The following KDM1B variants were observed in gnomAD, a reference collection of about 807,000 sequenced individuals.
KDM1B encodes the protein lysine-specific histone demethylase 2.
KDM1B carries 63 observed loss-of-function variants against 107.4 expected under a neutral mutation model. That is an observed-to-expected ratio of 0.59 (90% CI 0.48 to 0.72). The LOEUF (loss-of-function observed/expected upper bound fraction) is 0.72. KDM1B is among the 30% of genes least tolerant of loss of function. The pLI, the probability that KDM1B is intolerant of heterozygous loss-of-function variation, is 0.00. For synonymous variants in KDM1B, 363 were observed against 363.9 expected, an observed-to-expected ratio of 1.00 and a Z score of 0.03; for missense variants, 749 against 1,020.8, an observed-to-expected ratio of 0.73 and a Z score of 3.63.
intron 12 of KDM1B, among the ~76,000 whole-genome samples, chr6:18,199,008 G>GAAAAAAAAAAAA (rs70974711): frequency 2.7e-4 from 20 of 74,692 alleles, no homozygotes; most frequent in Admixed American, 3.9e-4. Context: ...GTCTCTACCA[G>GAAAAAAAAAAAA]AAAAAAAAAA....
intron 7 of KDM1B, among the ~76,000 whole-genome samples, chr6:18,181,895 G>T (rs887325143): frequency 2.0e-5 from 3 of 152,046 alleles, no homozygotes; most frequent in Non-Finnish European, 2.9e-5. Flanking sequence ...TTCTCTCCCA[G>T]TTTTTGTTAT....
In KDM1B at chr6:18,186,300, G is replaced by T. The variant is rs915364047; in HGVS notation, c.573+490G>T. Among the ~76,000 whole-genome samples, 2 of 152,182 alleles carry T rather than the reference G, an allele frequency of 1.3e-5. No individual in the cohort carries two copies. The highest frequency in any genetic ancestry group is 2.9e-5 in the Non-Finnish European group (2 of 68,042). On this transcript the variant is annotated intron_variant, in intron 8 of 21. Coordinates refer to ENST00000650836, the MANE Select transcript of KDM1B (RefSeq NM_001364614.2). The surrounding 1 kb of genome is among the most constrained non-coding windows in gnomAD (Gnocchi z 5.6). ...GCAGTACTTCCAGCTGGCAAAGCTGGTCACATTTCCTCTGTTTTCATAAGA... is the reference window on the plus strand; with the variant it reads ...GCAGTACTTCCAGCTGGCAAAGCTGTTCACATTTCCTCTGTTTTCATAAGA...
At chr6:18,189,813 C>T (rs1405848861) in intron 9 of KDM1B, among the ~76,000 whole-genome samples, 4 of 152,084 alleles carry the variant, frequency 2.6e-5, no homozygotes, top group Admixed American at 2.6e-4. Flanking sequence ...TTATTTACTT[C>T]TATGAACCTA....
Position 18,213,850 on chromosome 6 carries a change from C to A in KDM1B, c.2109+69C>A. The A allele has an allele frequency of 1.3e-6, 2 of 1,548,078 alleles. No homozygotes were observed. The highest frequency in any genetic ancestry group is 1.8e-6 in the Non-Finnish European group (2 of 1,122,500). ...TTTAGAATTTGATGTGATAATTACT[C>A]ACCTATCAAGCTCAGGAACTAACGA... On this transcript the variant is annotated intron_variant, in intron 19 of 21. Transcript: ENST00000650836. The surrounding 1 kb of genome is among the most constrained non-coding windows in gnomAD (Gnocchi z 5.9).
Position 18,204,264 on chromosome 6 carries a change from T to A in KDM1B, c.1532-1273T>A, listed in dbSNP as rs912305079. Among the ~76,000 whole-genome samples the A allele has an allele frequency of 6.6e-6, 1 of 151,902 alleles. No homozygotes were observed. The highest frequency in any genetic ancestry group is 1.5e-5 in the Non-Finnish European group (1 of 67,956). On this transcript the variant is annotated intron_variant, in intron 14 of 21. Coordinates refer to ENST00000650836, the MANE Select transcript of KDM1B (RefSeq NM_001364614.2). This position sits in a 1 kb window ranked among gnomAD's most constrained non-coding sequence, Gnocchi z 4.9. Reference sequence around the variant, plus strand: ...CTTCGGGAGGCTGAGGTGGGTAGATTTCTTGAGCTCAGGAGTTTGAGACCA... The same window carrying A: ...CTTCGGGAGGCTGAGGTGGGTAGATATCTTGAGCTCAGGAGTTTGAGACCA...
At chr6:18,168,293 G>A (rs765399785) in intron 6 of KDM1B, among the ~76,000 whole-genome samples, 4 of 152,100 alleles carry the variant, frequency 2.6e-5, no homozygotes, top group Admixed American at 6.6e-5. Context: ...CCTGGTAACC[G>A]CTAATCTGCT....
chr6:18,180,939 T>A (rs1786427542), intron 7 of KDM1B, among the ~76,000 whole-genome samples: 1 of 152,228 alleles, frequency 6.6e-6, no homozygotes, highest in Non-Finnish European at 1.5e-5. Context: ...TAATCTCACC[T>A]CTCTTTTACT....
chr6:18,163,397 A>C (rs1163055896), intron 5 of KDM1B, among the ~76,000 whole-genome samples: 2 of 152,168 alleles, frequency 1.3e-5, no homozygotes, highest in Non-Finnish European at 2.9e-5. Context: ...TGGAACATCT[A>C]GGAGATGTTG....
chr6:18,205,552 T>C lies in KDM1B; in HGVS notation c.1547T>C (p.Ile516Thr). 1 of 1,547,260 alleles carries C rather than the reference T, an allele frequency of 6.5e-7. No homozygotes were observed. The change falls in exon 15 of 22, where the codon ATC (isoleucine) becomes ACC (threonine). Residue 516 changes from isoleucine (I) to threonine (T), a missense_variant. Physicochemically the swap from Ile to Thr is moderately conservative, Grantham distance 89 (BLOSUM62 -1). Coordinates refer to ENST00000650836, the MANE Select transcript of KDM1B (RefSeq NM_001364614.2). The surrounding 1 kb of genome is among the most constrained non-coding windows in gnomAD (Gnocchi z 5.7). ...CCCATTACAGAAAAGATAGAAGAAATCTACAAGGCATTTATTAAGGAATCT... is the reference window on the plus strand; with the variant it reads ...CCCATTACAGAAAAGATAGAAGAAACCTACAAGGCATTTATTAAGGAATCT... ...DVPLGEKIEE[I>T]YKAFIKESGI...
At position 18,205,268 on chromosome 6, in the gene KDM1B, A is replaced by G. The variant is rs1788295128; in HGVS notation, c.1532-269A>G. Reference sequence around the variant, plus strand: ...AAGCGAAATTGAGACGTTTCTGAAGATATAGAACTTACATAGCTTTGTTTC... The same window carrying G: ...AAGCGAAATTGAGACGTTTCTGAAGGTATAGAACTTACATAGCTTTGTTTC... On this transcript the variant is annotated intron_variant, in intron 14 of 21. Coordinates refer to ENST00000650836, the MANE Select transcript of KDM1B (RefSeq NM_001364614.2). This position sits in a 1 kb window ranked among gnomAD's most constrained non-coding sequence, Gnocchi z 5.7. Among the ~76,000 whole-genome samples the G allele has an allele frequency of 6.6e-6, 1 of 152,186 alleles. No individual in the cohort carries two copies. Among genetic ancestry groups the G allele is most frequent in the African/African-American group, 2.4e-5 (1 of 41,458 alleles).
intron 9 of KDM1B, among the ~76,000 whole-genome samples, chr6:18,189,166 C>T (rs1787105290): frequency 6.6e-6 from 1 of 152,092 alleles, no homozygotes; most frequent in Admixed American, 6.6e-5. Flanking sequence ...TTTCCTACGC[C>T]TGGACAGGAA....
intron 6 of KDM1B, 49 bp downstream of exon 6, chr6:18,166,427 G>A: frequency 1.9e-6 from 2 of 1,049,550 alleles, no homozygotes; most frequent in Non-Finnish European, 1.5e-6. Flanking sequence ...GGAGCCAAAT[G>A]CAAGAGGCAT....
Position 18,222,156 on chromosome 6 carries a change from CACTG to C in KDM1B, c.*167_*170del, listed in dbSNP as rs1180823365. 1.4e-6 allele frequency: 1 copy of C among 729,842 alleles called. No homozygotes were observed. The highest frequency in any genetic ancestry group is 1.5e-5 in the South Asian group (1 of 67,914). The allele number at this position is 729,842 out of a possible 1,614,324, so 45.2% of individuals were successfully genotyped here. A position where few individuals can be genotyped will look rare whatever the true frequency, so the allele number is the denominator to read the frequency against. ...CAAACCTATTTCATCACTCTAAAAGCACTGACCTCAAAAAACCTTATAAGCACTT... is the reference window on the plus strand; with the variant it reads ...CAAACCTATTTCATCACTCTAAAAGCACCTCAAAAAACCTTATAAGCACTT... On this transcript the variant is annotated 3_prime_UTR_variant, in exon 22 of 22. Coordinates refer to ENST00000650836, the MANE Select transcript of KDM1B (RefSeq NM_001364614.2).
intron 7 of KDM1B, among the ~76,000 whole-genome samples, chr6:18,179,235 C>T (rs187131449): frequency 6.6e-6 from 1 of 152,004 alleles, no homozygotes; most frequent in East Asian, 1.9e-4. Flanking sequence ...TGTTGCATTC[C>T]TGGGGGAAAA....
intron 21 of KDM1B, among the ~76,000 whole-genome samples, chr6:18,220,776 C>CTTT (rs777242091): frequency 1.4e-5 from 2 of 142,496 alleles, no homozygotes; most frequent in Non-Finnish European, 3.1e-5. Context: ...TCACCTTTTC[C>CTTT]TTTTTTTTTT....
Position 18,166,307 on chromosome 6 carries a change from A to G in KDM1B, c.346A>G (p.Ile116Val). The part of the protein sequence containing the change: ...GYDKYTTWKK[I>V]WTSNGKTEPS... ...TGACAAATATACTACATGGAAAAAA[A>G]TATGGACTAGCAATGGCAAAACCGA... Residue 116 changes from isoleucine (I) to valine (V), a missense_variant, in exon 6 of 22, where the codon ATA becomes GTA. By Grantham distance (29) the Ile-to-Val change is conservative. Transcript: ENST00000650836. The G allele has an allele frequency of 1.2e-6, 2 of 1,612,098 alleles. No homozygotes were observed. Among genetic ancestry groups the G allele is most frequent in the Non-Finnish European group, 8.5e-7 (1 of 1,178,180 alleles).
In KDM1B at chr6:18,197,713, G is replaced by A. The variant is rs758342821; in HGVS notation, c.1221+52G>A. 4.5e-6 allele frequency: 6 copies of A among 1,334,686 alleles called. No individual in the cohort carries two copies. Among genetic ancestry groups the A allele is most frequent in the South Asian group, 2.5e-5 (2 of 79,684 alleles). 82.7% of individuals were successfully genotyped at this position (1,334,686 alleles called of 1,614,324 possible). A position where few individuals can be genotyped will look rare whatever the true frequency, so the allele number is the denominator to read the frequency against. Reference sequence around the variant, plus strand: ...AACAGATGGTTGACTGCTCCTTTTGGTCCAAATTTCTAAGATTTAGAAACC... The same window carrying A: ...AACAGATGGTTGACTGCTCCTTTTGATCCAAATTTCTAAGATTTAGAAACC... On this transcript the variant is annotated intron_variant, in intron 12 of 21. Transcript: ENST00000650836. The surrounding 1 kb of genome is among the most constrained non-coding windows in gnomAD (Gnocchi z 4.5).
intron 7 of KDM1B, among the ~76,000 whole-genome samples, chr6:18,180,635 G>A (rs1264004758): frequency 1.3e-5 from 2 of 152,122 alleles, no homozygotes; most frequent in Non-Finnish European, 2.9e-5. Flanking sequence ...ACACCATCTA[G>A]GCCTACTCCA....
chr6:18,209,581 C>T lies in KDM1B; in HGVS notation c.1866+1375C>T, dbSNP rs535975250. ...AAGGCTGGAAAGCCCCACCCTGATG[C>T]GTTCTTGTTGAATTGGCCTCGCTTT... On this transcript the variant is annotated intron_variant, in intron 17 of 21. Coordinates refer to ENST00000650836, the MANE Select transcript of KDM1B (RefSeq NM_001364614.2). This position sits in a 1 kb window ranked among gnomAD's most constrained non-coding sequence, Gnocchi z 4.3. Among the ~76,000 whole-genome samples, 1 of 152,272 alleles carries T rather than the reference C, an allele frequency of 6.6e-6. No homozygotes were observed. The highest frequency in any genetic ancestry group is 1.9e-4 in the East Asian group (1 of 5,170).
Sources: allele counts gnomAD v4.1 joint callset (sites outside exome capture counted in the v4.1 genomes callset), GRCh38; gene constraint gnomAD v4.1.1; non-coding constraint Gnocchi (gnomAD v3.1); transcripts MANE v1.5; gene names NCBI Gene and HGNC (gene_info 2026-07-23, HGNC 2026-07-21).